CD83: variants seen among roughly 807,000 people sequenced by gnomAD.
CD83 encodes CD83 antigen.
A neutral mutation model predicts 24.6 loss-of-function variants in CD83; 22 were observed. That is an observed-to-expected ratio of 0.90 (90% CI 0.64 to 1.28). The LOEUF is 1.28. Among genes scored for constraint, CD83 ranks in the 50% most tolerant of loss-of-function variants. The pLI, the probability that CD83 is intolerant of heterozygous loss-of-function variation, is 0.00. For missense variants in CD83, 253 were observed against 252.8 expected (o/e 1.00, Z -0.01); for synonymous variants, 101 against 103.5 (o/e 0.98, Z 0.14).
intron 2 of CD83, among the ~76,000 whole-genome samples, chr6:14,126,790 G>A (rs922950127): frequency 2.0e-5 from 3 of 152,266 alleles, no homozygotes; most frequent in Middle Eastern, 3.4e-3. Context: ...CAAGGTACAT[G>A]AATGTTAGTG....
intron 2 of CD83, among the ~76,000 whole-genome samples, chr6:14,123,611 G>C (rs1759722387): frequency 6.6e-6 from 1 of 152,070 alleles, no homozygotes; most frequent in Non-Finnish European, 1.5e-5. Flanking sequence ...CCGCCTCTGA[G>C]TGGCTATAGA....
chr6:14,117,734 A>C, upstream of CD83: 1 of 1,075,106 alleles, frequency 9.3e-7, no homozygotes, highest in Non-Finnish European at 1.2e-6. This position sits in a 1 kb window ranked among gnomAD's most constrained non-coding sequence, Gnocchi z 4.6. Context: ...AAGTTCCCGA[A>C]CGCGCGGGCA....
rs534861037 is a variant in CD83, at chr6:14,136,453, C to T, written c.*1217C>T. ...CTCCAAGATATGGACACACGGGAGC[C>T]GCTGGCAGAAGGGACTTCACGAAGT... On this transcript the variant is annotated 3_prime_UTR_variant, in exon 5 of 5. Transcript: ENST00000379153. 2 of 152,300 alleles carry T rather than the reference C, an allele frequency of 1.3e-5. No homozygotes were observed. The highest frequency in any genetic ancestry group is 2.1e-4 in the South Asian group (1 of 4,828). 9.4% of individuals were successfully genotyped at this position (152,300 alleles called of 1,614,324 possible).
chr6:14,127,534 C>T (rs184713490), intron 2 of CD83, among the ~76,000 whole-genome samples: 20 of 150,094 alleles, frequency 1.3e-4, no homozygotes, highest in Admixed American at 4.0e-4. Flanking sequence ...TGTTTTAGTT[C>T]AAATTAGTTC....
At chr6:14,128,040 A>G (rs1490564057) in intron 2 of CD83, among the ~76,000 whole-genome samples, 1 of 152,352 alleles carries the variant, frequency 6.6e-6, no homozygotes, top group East Asian at 1.9e-4. Flanking sequence ...ATGGTTTTGC[A>G]GAGAAGCAAT....
chr6:14,118,092 G>T (rs763491762), intron 2 of CD83, 27 bp downstream of exon 2: 2 of 1,515,496 alleles, frequency 1.3e-6, no homozygotes, highest in South Asian at 2.4e-5. Flanking sequence ...CCACGGGCTG[G>T]GGTTTGGTGG....
rs187313200 is a variant in CD83 at position 14,130,413 on chromosome 6, A to G, written c.154-1107A>G. The stretch of plus-strand genomic sequence containing the variant: ...TGGGAGATGCTGTGGACACTCCACC[A>G]GTTTGATCACAAAGAATTCACAGAA... On this transcript the variant is annotated intron_variant, in intron 2 of 4. Coordinates refer to ENST00000379153, the MANE Select transcript of CD83 (RefSeq NM_004233.4). 2.0e-4 allele frequency among the ~76,000 whole-genome samples: 31 copies of G among 152,364 alleles called. No homozygotes were observed. The East Asian group carries it at 4.8e-3, about 24-fold the overall frequency.
intron 2 of CD83, among the ~76,000 whole-genome samples, chr6:14,125,705 G>A (rs1317713585): frequency 1.3e-5 from 2 of 152,194 alleles, no homozygotes; most frequent in Non-Finnish European, 2.9e-5. Flanking sequence ...GCTAATAGAA[G>A]AGAGATGATT....
chr6:14,132,768 AG>A (rs928544263), intron 3 of CD83, among the ~76,000 whole-genome samples: 1 of 152,328 alleles, frequency 6.6e-6, no homozygotes, highest in African/African-American at 2.4e-5. Context: ...ATCCATTTTC[AG>A]GGGTTGACAT....
intron 3 of CD83, among the ~76,000 whole-genome samples, chr6:14,132,559 G>T (rs1293031483): frequency 6.6e-6 from 1 of 152,202 alleles, no homozygotes; most frequent in Non-Finnish European, 1.5e-5. Context: ...CTAAGCCTCA[G>T]TTCTCTAATC....
At chr6:14,133,612 G>A in intron 3 of CD83, 37 bp from the exon 4 acceptor site, 2 of 1,413,082 alleles carry the variant, frequency 1.4e-6, no homozygotes, top group South Asian at 2.4e-5. Flanking sequence ...GAAAAATCCT[G>A]TTAAAATGGC....
In CD83 at chr6:14,136,766, T is replaced by C. The variant is rs1258271418; in HGVS notation, c.*1530T>C. 2 of 152,176 alleles carry C rather than the reference T, an allele frequency of 1.3e-5. No individual in the cohort carries two copies. Among genetic ancestry groups the C allele is most frequent in the Admixed American group, 1.3e-4 (2 of 15,286 alleles). 9.4% of individuals were successfully genotyped at this position (152,176 alleles called of 1,614,324 possible). A position where few individuals can be genotyped will look rare whatever the true frequency, so the allele number is the denominator to read the frequency against. ...GTTACTAGGCTTAATACCTGGGTGA[T>C]TACATAATCTGTACAATGAACCCCC... On this transcript the variant is annotated 3_prime_UTR_variant, in exon 5 of 5. Transcript: ENST00000379153.
At chr6:14,118,660 G>C (rs923035689) in intron 2 of CD83, among the ~76,000 whole-genome samples, 1 of 152,288 alleles carries the variant, frequency 6.6e-6, no homozygotes, top group African/African-American at 2.4e-5. Flanking sequence ...AGCCTTGAGA[G>C]CATCAGGTGG....
chr6:14,134,812 A>T (rs930221242), intron 4 of CD83, among the ~76,000 whole-genome samples: 1 of 152,262 alleles, frequency 6.6e-6, no homozygotes, highest in Non-Finnish European at 1.5e-5. Context: ...TGTTTTAAAC[A>T]TGAATGACTT....
At chr6:14,122,246 A>G (rs1296201480) in intron 2 of CD83, among the ~76,000 whole-genome samples, 1 of 152,164 alleles carries the variant, frequency 6.6e-6, no homozygotes, top group Admixed American at 6.5e-5. Context: ...CACTAAGGAA[A>G]CTGTTGGAGA....
intron 4 of CD83, 66 bp from the exon 5 acceptor site, chr6:14,135,042 A>T: frequency 6.5e-7 from 1 of 1,543,598 alleles, no homozygotes; most frequent in Non-Finnish European, 8.9e-7. Flanking sequence ...AATAGAGTTT[A>T]AAAGGAGGTG....
At chr6:14,117,552 G>A (rs1323895009), upstream of CD83, 3 of 149,086 alleles carry the variant, frequency 2.0e-5, no homozygotes, top group Admixed American at 2.0e-4. This position sits in a 1 kb window ranked among gnomAD's most constrained non-coding sequence, Gnocchi z 4.6. Context: ...CGGGCGCGCG[G>A]GGGCGGGGAC....
intron 2 of CD83, among the ~76,000 whole-genome samples, chr6:14,122,874 T>C (rs1317057476): frequency 6.6e-6 from 1 of 152,238 alleles, no homozygotes; most frequent in Non-Finnish European, 1.5e-5. Context: ...CAGAGGACCA[T>C]CTTGAGCAAA....
At chr6:14,124,809 C>A (rs1031334840) in intron 2 of CD83, among the ~76,000 whole-genome samples, 2 of 152,094 alleles carry the variant, frequency 1.3e-5, no homozygotes, top group African/African-American at 4.8e-5. Flanking sequence ...AATTGTGCCC[C>A]CCCCAAAAGA....
Sources: allele counts gnomAD v4.1 joint callset (sites outside exome capture counted in the v4.1 genomes callset), GRCh38; gene constraint gnomAD v4.1.1; non-coding constraint Gnocchi (gnomAD v3.1); transcripts MANE v1.5; gene names NCBI Gene and HGNC (gene_info 2026-07-23, HGNC 2026-07-21).